The following ABCB10 variants were observed in gnomAD, a reference collection of about 807,000 sequenced individuals.
The protein encoded by ABCB10 is ATP-binding cassette sub-family B member 10, mitochondrial.
Under a neutral mutation model 65.4 loss-of-function variants are expected in ABCB10, and 54 were observed. The ratio of observed to expected loss-of-function variants is 0.83; its 90% CI spans 0.66 to 1.04. The LOEUF (loss-of-function observed/expected upper bound fraction) is 1.04. ABCB10 is among the 50% of genes least tolerant of loss of function. The pLI, the probability that ABCB10 is intolerant of heterozygous loss-of-function variation, is 0.00. For missense variants in ABCB10, 846 were observed against 976.6 expected (o/e 0.87, Z 1.78); for synonymous variants, 418 against 406.5 (o/e 1.03, Z -0.34).
At chr1:229,519,616 C>T (rs1305697575) in intron 11 of ABCB10, among the ~76,000 whole-genome samples, 2 of 152,104 alleles carry the variant, frequency 1.3e-5, no homozygotes, top group Admixed American at 6.5e-5. Flanking sequence ...GGCAAAACCC[C>T]GTCTCTACTA....
At chr1:229,529,726 T>C (rs1662534986) in intron 8 of ABCB10, among the ~76,000 whole-genome samples, 1 of 149,236 alleles carries the variant, frequency 6.7e-6, no homozygotes, top group African/African-American at 2.5e-5. Context: ...GTTAACTGTG[T>C]GCACAATAAG....
chr1:229,518,117 G>GT lies in ABCB10; in HGVS notation c.*61dup, dbSNP rs895741052. On this transcript the variant is annotated 3_prime_UTR_variant, in exon 13 of 13. Coordinates refer to ENST00000344517, the MANE Select transcript of ABCB10 (RefSeq NM_012089.3). ...GGTTTATGTATTTCATAGTCTCTGA[G>GT]TTTTTTTTCTGCAACACTGTTTTGC... 118 of 1,258,478 alleles carry GT rather than the reference G, an allele frequency of 9.4e-5. No homozygotes were observed. Among genetic ancestry groups the GT allele is most frequent in the Non-Finnish European group, 1.1e-4 (100 of 876,732 alleles). 78.0% of individuals were successfully genotyped at this position (1,258,478 alleles called of 1,614,324 possible).
At chr1:229,534,147 C>G (rs1243408313) in intron 6 of ABCB10, among the ~76,000 whole-genome samples, 4 of 152,250 alleles carry the variant, frequency 2.6e-5, no homozygotes, top group African/African-American at 4.8e-5. Flanking sequence ...AGAAAATATA[C>G]AGAGAGCAAA....
In ABCB10 at chr1:229,517,044, G is replaced by A. The variant is rs941722382; in HGVS notation, c.*1135C>T. 8.5e-5 allele frequency: 13 copies of A among 152,200 alleles called. No homozygotes were observed. Among genetic ancestry groups the A allele is most frequent in the South Asian group, 8.3e-4 (4 of 4,820 alleles). The allele number at this position is 152,200 out of a possible 1,614,324, so 9.4% of individuals were successfully genotyped here. A position where few individuals can be genotyped will look rare whatever the true frequency, so the allele number is the denominator to read the frequency against. On this transcript the variant is annotated 3_prime_UTR_variant, in exon 13 of 13. Coordinates refer to ENST00000344517, the MANE Select transcript of ABCB10 (RefSeq NM_012089.3). ...CCATGGAGAAAAAGCACTTTTTCTT[G>A]AGGCAACAGCAAATTAACAGCACTG...
rs781498042 is a variant in ABCB10, at chr1:229,530,418, A to G, written c.1436-10T>C. Reference sequence around the variant, plus strand: ...TTTAAGATGACCCCCTCTGAAACATAAAATGGAATATTAATTACTTACAGC... The same window carrying G: ...TTTAAGATGACCCCCTCTGAAACATGAAATGGAATATTAATTACTTACAGC... On this transcript the variant is annotated splice_polypyrimidine_tract_variant and intron_variant, in intron 7 of 12. Coordinates refer to ENST00000344517, the MANE Select transcript of ABCB10 (RefSeq NM_012089.3). 2.5e-6 allele frequency: 4 copies of G among 1,613,542 alleles called. No homozygotes were observed. The highest frequency in any genetic ancestry group is 3.4e-6 in the Non-Finnish European group (4 of 1,179,742).
chr1:229,552,878 C>T (rs919555467), intron 1 of ABCB10, among the ~76,000 whole-genome samples: 17 of 152,210 alleles, frequency 1.1e-4, no homozygotes, highest in Middle Eastern at 6.8e-3. Context: ...CCACATTCTG[C>T]GACAAAGCCT....
rs1015386967 is a variant in ABCB10, at chr1:229,549,487, G to A, written c.518-53C>T. On this transcript the variant is annotated intron_variant, in intron 1 of 12. Coordinates refer to ENST00000344517, the MANE Select transcript of ABCB10 (RefSeq NM_012089.3). ...CAGGTTGCTTCAGCAAAGGGGCTGC[G>A]GTGCTGAGTCCAGGAGGCTTCCTTG... 99 of 1,532,914 alleles carry A rather than the reference G, an allele frequency of 6.5e-5. 1 individual carries two copies. The African/African-American group carries it at 1.0e-3, about 15-fold the overall frequency. 95.0% of individuals were successfully genotyped at this position (1,532,914 alleles called of 1,614,324 possible).
intron 6 of ABCB10, among the ~76,000 whole-genome samples, chr1:229,536,443 G>A (rs1466725490): frequency 6.6e-6 from 1 of 152,064 alleles, no homozygotes; most frequent in Admixed American, 6.6e-5. Flanking sequence ...GGAGGTCGAG[G>A]CTGCAGTGAG....
chr1:229,540,864 A>C, intron 4 of ABCB10, 112 bp from the exon 5 acceptor site: 1 of 1,271,242 alleles, frequency 7.9e-7, no homozygotes, highest in Non-Finnish European at 1.1e-6. Context: ...AAGAAAAGAA[A>C]AGAAATAGTG....
chr1:229,558,273 C>A lies in ABCB10; in HGVS notation c.380G>T (p.Trp127Leu). The change falls in exon 1 of 13, where the codon TGG becomes TTG. Residue 127 changes from tryptophan to leucine, a missense_variant. Physicochemically the swap from Trp to Leu is moderately conservative, Grantham distance 61. Transcript: ENST00000344517. ...RFPGGPAAAA[W>L]AGDEAWRRGP... Reference sequence around the variant, plus strand: ...GCGCCGCCAGGCCTCGTCCCCTGCCCAGGCAGCGGCTGCGGGACCGCCCGG... The same window carrying A: ...GCGCCGCCAGGCCTCGTCCCCTGCCAAGGCAGCGGCTGCGGGACCGCCCGG... 7.9e-7 allele frequency: 1 copy of A among 1,259,692 alleles called. No homozygotes were observed. Among genetic ancestry groups the A allele is most frequent in the East Asian group, 3.4e-5 (1 of 29,530 alleles). The allele number at this position is 1,259,692 out of a possible 1,614,324, so 78.0% of individuals were successfully genotyped here. A position where few individuals can be genotyped will look rare whatever the true frequency, so the allele number is the denominator to read the frequency against.
intron 3 of ABCB10, 45 bp downstream of exon 3, chr1:229,547,454 C>T (rs770288266): frequency 1.8e-5 from 29 of 1,606,768 alleles, no homozygotes; most frequent in Non-Finnish European, 8.5e-6. Context: ...CTGGTGCAAG[C>T]CAAGCCCTGG....
intron 1 of ABCB10, among the ~76,000 whole-genome samples, chr1:229,554,230 G>C (rs570810858): frequency 1.4e-4 from 21 of 152,312 alleles, no homozygotes; most frequent in Admixed American, 9.2e-4. Flanking sequence ...GCGCTGGGTA[G>C]AGAATGAGTG....
At chr1:229,529,295 CAAAAAAAA>C (rs59264291) in intron 8 of ABCB10, among the ~76,000 whole-genome samples, 5 of 23,130 alleles carry the variant, frequency 2.2e-4, no homozygotes, top group African/African-American at 6.6e-4. Flanking sequence ...GACTCCGTCT[CAAAAAAAA>C]AAAAAAAAAA....
chr1:229,532,649 G>A (rs1341920229), intron 6 of ABCB10, among the ~76,000 whole-genome samples: 1 of 151,886 alleles, frequency 6.6e-6, no homozygotes. Context: ...GGGAGGCCAA[G>A]GTGGGAGGAT....
intron 3 of ABCB10, among the ~76,000 whole-genome samples, chr1:229,543,289 C>G (rs550247462): frequency 2.6e-5 from 4 of 152,142 alleles, no homozygotes; most frequent in Admixed American, 6.5e-5. Context: ...GAGCTTCTAG[C>G]AATTGGAATT....
intron 1 of ABCB10, among the ~76,000 whole-genome samples, chr1:229,550,854 ACT>A (rs1315087227): frequency 6.6e-6 from 1 of 151,334 alleles, no homozygotes; most frequent in East Asian, 1.9e-4. Flanking sequence ...ACAGAGCAAG[ACT>A]CTGTCTCAAA....
At chr1:229,529,190 G>C (rs1293936003) in intron 8 of ABCB10, among the ~76,000 whole-genome samples, 1 of 149,424 alleles carries the variant, frequency 6.7e-6, no homozygotes, top group Non-Finnish European at 1.5e-5. Context: ...CTACTCGGGA[G>C]GCTGAGGCAG....
chr1:229,549,905 GT>G, intron 1 of ABCB10: 1 of 170,986 alleles, frequency 5.8e-6, no homozygotes, highest in Admixed American at 5.6e-5. Flanking sequence ...AAAACACTCT[GT>G]CTACGGCCAT....
intron 1 of ABCB10, among the ~76,000 whole-genome samples, chr1:229,554,183 G>C (rs895740979): frequency 1.3e-5 from 2 of 152,304 alleles, no homozygotes; most frequent in South Asian, 2.1e-4. Flanking sequence ...TTGAGGGTGT[G>C]GGGGAGATGG....
Sources: gnomAD v4.1 joint callset for allele counts (sites outside exome capture counted in the v4.1 genomes callset) on GRCh38, gnomAD v4.1.1 for gene constraint, MANE v1.5 for transcripts, NCBI Gene and HGNC (gene_info 2026-07-23, HGNC 2026-07-21) for gene names.